The following TCF20 variants were observed in gnomAD, a reference collection of about 807,000 sequenced individuals.
The protein encoded by TCF20 is transcription factor 20, also known as SPRE-binding protein.
Under a neutral mutation model 148.6 loss-of-function variants are expected in TCF20, and 3 were observed. The ratio of observed to expected loss-of-function variants is 0.02; its 90% CI spans 0.01 to 0.05. The LOEUF (loss-of-function observed/expected upper bound fraction) is 0.05, where lower values mean the gene tolerates loss of function less well. TCF20 is among the 10% of genes least tolerant of loss of function. The pLI, the probability that TCF20 is intolerant of heterozygous loss-of-function variation, is 1.00. For synonymous variants in TCF20, 1,049 were observed against 909.5 expected (o/e 1.15, Z -2.76); for missense variants, 2,350 against 2,429.3 (o/e 0.97, Z 0.69).
At chr22:42,217,728 G>GA (rs1455385041) in intron 1 of TCF20, among the ~76,000 whole-genome samples, 1 of 152,210 alleles carries the variant, frequency 6.6e-6, no homozygotes, top group Non-Finnish European at 1.5e-5. Context: ...GGAGGATGCT[G>GA]AAGACCTTGC....
chr22:42,298,925 C>T (rs920124045), intron 1 of TCF20, among the ~76,000 whole-genome samples: 1 of 152,156 alleles, frequency 6.6e-6, no homozygotes. Context: ...CGGGGGAGGA[C>T]GAGAGGGCCC....
At chr22:42,232,269 G>C (rs1923485694) in intron 1 of TCF20, among the ~76,000 whole-genome samples, 1 of 152,148 alleles carries the variant, frequency 6.6e-6, no homozygotes, top group African/African-American at 2.4e-5. Context: ...ACATAGCCTA[G>C]ATGGGCAGTC....
chr22:42,238,367 G>A (rs1290751240), intron 1 of TCF20, among the ~76,000 whole-genome samples: 1 of 152,206 alleles, frequency 6.6e-6, no homozygotes, highest in Non-Finnish European at 1.5e-5. Flanking sequence ...GCGGCTGGTT[G>A]ATTTTCCATC....
At chr22:42,190,571 A>G (rs749753231) in intron 2 of TCF20, among the ~76,000 whole-genome samples, 2 of 152,176 alleles carry the variant, frequency 1.3e-5, no homozygotes, top group Non-Finnish European at 2.9e-5. Flanking sequence ...CCTTGAAACT[A>G]CAAAGGCCGT....
chr22:42,306,652 C>A (rs893336377), intron 1 of TCF20, among the ~76,000 whole-genome samples: 1 of 152,168 alleles, frequency 6.6e-6, no homozygotes, highest in Non-Finnish European at 1.5e-5. Context: ...TGGGTGCCTT[C>A]GCCTCAGGAG....
At chr22:42,261,987 T>A (rs745764708) in intron 1 of TCF20, among the ~76,000 whole-genome samples, 1 of 151,934 alleles carries the variant, frequency 6.6e-6, no homozygotes, top group Non-Finnish European at 1.5e-5. Context: ...CAAGACTCCA[T>A]CTCGAAAAAA....
chr22:42,207,683 C>T (rs770875408), intron 2 of TCF20, among the ~76,000 whole-genome samples: 2 of 152,134 alleles, frequency 1.3e-5, no homozygotes, highest in Admixed American at 6.5e-5. Flanking sequence ...TGCATGGTGG[C>T]GCATGCCTCT....
intron 1 of TCF20, among the ~76,000 whole-genome samples, chr22:42,259,128 A>AG (rs1485717000): frequency 6.6e-6 from 1 of 152,118 alleles, no homozygotes; most frequent in Non-Finnish European, 1.5e-5. Context: ...TGCTCTCTGG[A>AG]GTTTCCTCCA....
chr22:42,323,893 A>ATGGTGGTGGTGGTGG (rs1353542732), intron 1 of TCF20, among the ~76,000 whole-genome samples: 3 of 32,106 alleles, frequency 9.3e-5, no homozygotes, highest in Admixed American at 3.2e-4. Flanking sequence ...GATGGAGGTT[A>ATGGTGGTGGTGGTGG]TGGTGGTGGA....
At chr22:42,309,081 C>T (rs1018922127) in intron 1 of TCF20, among the ~76,000 whole-genome samples, 20 of 152,180 alleles carry the variant, frequency 1.3e-4, no homozygotes, top group African/African-American at 3.9e-4. Flanking sequence ...GAAGCATGGC[C>T]GGCCGGCCAC....
At chr22:42,197,030 CACT>C (rs1435097276) in intron 2 of TCF20, among the ~76,000 whole-genome samples, 1 of 152,330 alleles carries the variant, frequency 6.6e-6, no homozygotes, top group East Asian at 1.9e-4. Flanking sequence ...AAAATCACTC[CACT>C]ATTACCAGGT....
chr22:42,319,936 T>C, intron 1 of TCF20, among the ~76,000 whole-genome samples: 1 of 151,644 alleles, frequency 6.6e-6, no homozygotes, highest in East Asian at 1.9e-4. Flanking sequence ...CAGCACCTGG[T>C]CTCTCCCAGC....
At chr22:42,232,191 A>G (rs1290565457) in intron 1 of TCF20, among the ~76,000 whole-genome samples, 1 of 152,040 alleles carries the variant, frequency 6.6e-6, no homozygotes, top group African/African-American at 2.4e-5. Context: ...CTCTTTTACA[A>G]TCTCCTACAG....
intron 1 of TCF20, among the ~76,000 whole-genome samples, chr22:42,229,972 A>G (rs1923250803): frequency 6.6e-6 from 1 of 152,184 alleles, no homozygotes; most frequent in Non-Finnish European, 1.5e-5. Context: ...CCAAGCAAAC[A>G]CTTGTTGCTC....
chr22:42,327,517 T>C (rs951009905), intron 1 of TCF20, among the ~76,000 whole-genome samples: 16 of 152,242 alleles, frequency 1.1e-4, no homozygotes, highest in African/African-American at 3.9e-4. Context: ...GGCTCACTCA[T>C]TTCCTGTGCG....
chr22:42,262,648 ACTGAAAAAATAGGGT>A (rs1474726009), intron 1 of TCF20, among the ~76,000 whole-genome samples: 6 of 152,004 alleles, frequency 3.9e-5, no homozygotes, highest in Admixed American at 3.9e-4. Flanking sequence ...GAGAAAGGAC[ACTGAAAAAATAGGGT>A]CTGGAGAATG....
At position 42,297,928 on chromosome 22, in the gene TCF20, T is replaced by A. The variant is rs1394217260; in HGVS notation, c.-37+45551A>T. Reference sequence around the variant, plus strand: ...AGGCAAGGATGAACATGTGCTGGTTTCAGGGCTGGGCCTGGGGGTGCAAAG... The same window carrying A: ...AGGCAAGGATGAACATGTGCTGGTTACAGGGCTGGGCCTGGGGGTGCAAAG... On this transcript the variant is annotated intron_variant, in intron 1 of 1. Transcript: ENST00000515426. The surrounding 1 kb of genome is among the most constrained non-coding windows in gnomAD (Gnocchi z 4.3). 4.6e-5 allele frequency among the ~76,000 whole-genome samples: 7 copies of A among 152,126 alleles called. No homozygotes were observed. In the South Asian group the frequency reaches 6.2e-4, roughly 13 times the overall value.
intron 2 of TCF20, among the ~76,000 whole-genome samples, chr22:42,200,869 G>A (rs1258735436): frequency 3.3e-5 from 5 of 152,164 alleles, no homozygotes; most frequent in Non-Finnish European, 7.3e-5. Context: ...TACACGCTTA[G>A]AAATCACTAA....
At chr22:42,222,316 ACT>A (rs767753143) in intron 1 of TCF20, among the ~76,000 whole-genome samples, 8 of 151,682 alleles carry the variant, frequency 5.3e-5, no homozygotes, top group Admixed American at 6.6e-5. Flanking sequence ...TTTCACTTTG[ACT>A]CTGTATTTAC....
Sources: gnomAD v4.1 joint callset for allele counts (sites outside exome capture counted in the v4.1 genomes callset) on GRCh38, gnomAD v4.1.1 for gene constraint, Gnocchi (gnomAD v3.1) non-coding constraint, MANE v1.5 for transcripts, NCBI Gene and HGNC (gene_info 2026-07-23, HGNC 2026-07-21) for gene names.